The following MGMT variants were observed in gnomAD, a reference collection of about 807,000 sequenced individuals.
The protein encoded by MGMT is methylated-DNA--protein-cysteine methyltransferase.
Under a neutral mutation model 15.9 loss-of-function variants are expected in MGMT, and 14 were observed. The observed-to-expected ratio is 0.88, with a 90% CI of 0.58 to 1.37. The LOEUF (loss-of-function observed/expected upper bound fraction) is 1.37. Ranked by LOEUF, MGMT falls within the 40% of genes most tolerant of loss-of-function variation. The pLI is 0.00. For missense variants in MGMT, 282 were observed against 268.1 expected, an observed-to-expected ratio of 1.05 and a Z score of -0.36; for synonymous variants, 130 against 118.2, an observed-to-expected ratio of 1.10 and a Z score of -0.65.
intron 2 of MGMT, among the ~76,000 whole-genome samples, chr10:129,663,018 A>G (rs1847617585): frequency 6.6e-6 from 1 of 152,232 alleles, no homozygotes; most frequent in Non-Finnish European, 1.5e-5. Flanking sequence ...CAAGTAAGGA[A>G]TGATACAGGA....
chr10:129,542,336 C>G (rs747832170), intron 2 of MGMT, among the ~76,000 whole-genome samples: 1 of 152,108 alleles, frequency 6.6e-6, no homozygotes, highest in East Asian at 1.9e-4. Flanking sequence ...CAGTGCCAGT[C>G]GGATGGTTCC....
chr10:129,756,551 C>A (rs1277870881), intron 3 of MGMT, among the ~76,000 whole-genome samples: 1 of 152,186 alleles, frequency 6.6e-6, no homozygotes, highest in Non-Finnish European at 1.5e-5. Context: ...ATCACTGCAA[C>A]CTCTGCCTCC....
At chr10:129,614,115 C>T (rs1846993217) in intron 2 of MGMT, among the ~76,000 whole-genome samples, 2 of 152,178 alleles carry the variant, frequency 1.3e-5, no homozygotes, top group South Asian at 4.1e-4. Flanking sequence ...CCTTCCCCAG[C>T]CCTGGCACCC....
chr10:129,655,388 A>G (rs1334721942), intron 2 of MGMT, among the ~76,000 whole-genome samples: 2 of 152,232 alleles, frequency 1.3e-5, no homozygotes, highest in African/African-American at 4.8e-5. Flanking sequence ...TTTCTTTCAC[A>G]CATTACCATT....
intron 2 of MGMT, among the ~76,000 whole-genome samples, chr10:129,645,237 A>G (rs1847374237): frequency 6.7e-6 from 1 of 150,302 alleles, no homozygotes; most frequent in African/African-American, 2.5e-5. Context: ...CTGCTGCCTC[A>G]GCCTCCTGAG....
chr10:129,558,191 A>G (rs372225101), intron 2 of MGMT, among the ~76,000 whole-genome samples: 4 of 152,102 alleles, frequency 2.6e-5, no homozygotes, highest in African/African-American at 4.8e-5. Context: ...GAGCTCATCT[A>G]TTGTTGATAA....
intron 2 of MGMT, among the ~76,000 whole-genome samples, chr10:129,588,281 G>GC (rs1419029086): frequency 6.6e-6 from 1 of 152,200 alleles, no homozygotes; most frequent in Non-Finnish European, 1.5e-5. Flanking sequence ...GAAACCCTTA[G>GC]CAGAGGACTG....
At chr10:129,671,366 G>T (rs965290564) in intron 2 of MGMT, among the ~76,000 whole-genome samples, 5 of 152,256 alleles carry the variant, frequency 3.3e-5, no homozygotes, top group Admixed American at 3.3e-4. Context: ...CTACTAATTA[G>T]AAGTTTATTT....
Position 129,566,731 on chromosome 10 carries a change from C to CG in MGMT, c.125+30356dup, listed in dbSNP as rs1564854557. Among the ~76,000 whole-genome samples the CG allele has an allele frequency of 6.6e-6, 1 of 152,040 alleles. No individual in the cohort carries two copies. Among genetic ancestry groups the CG allele is most frequent in the Non-Finnish European group, 1.5e-5 (1 of 68,028 alleles). ...TAGGGAGGGTCTGGGACTTTTCTCT[C>CG]GGAGGCCCCATGAAGTTGGTATTCC... On this transcript the variant is annotated intron_variant, in intron 2 of 4. Coordinates refer to ENST00000651593, the MANE Select transcript of MGMT (RefSeq NM_002412.5). This position sits in a 1 kb window ranked among gnomAD's most constrained non-coding sequence, Gnocchi z 4.1.
At chr10:129,616,209 C>G (rs562514292) in intron 2 of MGMT, among the ~76,000 whole-genome samples, 3 of 152,222 alleles carry the variant, frequency 2.0e-5, no homozygotes, top group African/African-American at 7.2e-5. Flanking sequence ...TCCCACCTGG[C>G]TCACATACTC....
chr10:129,578,826 TAATAGTTACAACTATTAGTACA>T (rs1241657808), intron 2 of MGMT, among the ~76,000 whole-genome samples: 1 of 152,264 alleles, frequency 6.6e-6, no homozygotes, highest in Non-Finnish European at 1.5e-5. Context: ...TGTAATAATT[TAATAGTTACAACTATTAGTACA>T]AATAGTTTTA....
intron 2 of MGMT, among the ~76,000 whole-genome samples, chr10:129,598,568 C>T (rs1208411289): frequency 6.6e-6 from 1 of 152,136 alleles, no homozygotes; most frequent in Non-Finnish European, 1.5e-5. Flanking sequence ...TGGGAGAACC[C>T]AAAACCACAC....
intron 2 of MGMT, among the ~76,000 whole-genome samples, chr10:129,578,820 A>G (rs1192541683): frequency 6.6e-6 from 1 of 152,244 alleles, no homozygotes; most frequent in African/African-American, 2.4e-5. Context: ...CCAAGTTGTA[A>G]TAATTTAATA....
At chr10:129,484,929 TTATA>T (rs1031032521) in intron 1 of MGMT, among the ~76,000 whole-genome samples, 10 of 151,916 alleles carry the variant, frequency 6.6e-5, no homozygotes, top group African/African-American at 2.2e-4. Flanking sequence ...TGTGTGTGTA[TTATA>T]TATATGTATG....
At chr10:129,708,449 G>T (rs1475701599) in intron 3 of MGMT, among the ~76,000 whole-genome samples, 1 of 152,174 alleles carries the variant, frequency 6.6e-6, no homozygotes, top group African/African-American at 2.4e-5. Flanking sequence ...CACTCTGTTG[G>T]TGACACTTAC....
intron 1 of MGMT, among the ~76,000 whole-genome samples, chr10:129,504,768 G>A (rs1845608317): frequency 6.6e-6 from 1 of 152,188 alleles, no homozygotes; most frequent in South Asian, 2.1e-4. Flanking sequence ...TGGGAAGCCT[G>A]AGATTTTGGT....
intron 1 of MGMT, among the ~76,000 whole-genome samples, chr10:129,525,596 G>A (rs35511152): frequency 0.15 from 23,033 of 152,026 alleles, 2,658 homozygotes; most frequent in African/African-American, 0.33. Context: ...TACAACCAAA[G>A]CATCATTAAT....
intron 2 of MGMT, among the ~76,000 whole-genome samples, chr10:129,632,650 T>C (rs898961188): frequency 2.6e-5 from 4 of 152,196 alleles, no homozygotes; most frequent in Non-Finnish European, 5.9e-5. Flanking sequence ...CTCCGGGGGA[T>C]GTCGGCCCGA....
intron 1 of MGMT, among the ~76,000 whole-genome samples, chr10:129,510,124 G>A (rs190293521): frequency 2.1e-4 from 32 of 152,316 alleles, no homozygotes; most frequent in Admixed American, 5.2e-4. Context: ...ACCAGTACCA[G>A]GACTCCAGGA....
Sources: gnomAD v4.1 joint callset for allele counts (sites outside exome capture counted in the v4.1 genomes callset) on GRCh38, gnomAD v4.1.1 for gene constraint, Gnocchi (gnomAD v3.1) non-coding constraint, MANE v1.5 for transcripts, NCBI Gene and HGNC (gene_info 2026-07-23, HGNC 2026-07-21) for gene names.